The following VWA3B variants were observed in gnomAD, a reference collection of about 807,000 sequenced individuals.
The protein encoded by VWA3B is von Willebrand factor A domain containing 3B.
Under a neutral mutation model 158.3 loss-of-function variants are expected in VWA3B, and 138 were observed. The ratio of observed to expected loss-of-function variants is 0.87; its 90% CI spans 0.76 to 1.00. The LOEUF is 1.00. VWA3B is among the 50% of genes least tolerant of loss of function. VWA3B has a pLI of 0.00. For missense variants in VWA3B, 1,555 were observed against 1,565.1 expected (o/e 0.99, Z 0.11); for synonymous variants, 596 against 587.3 (o/e 1.01, Z -0.21).
rs985984476 is a variant in VWA3B at position 98,181,364 on chromosome 2, C to T, written c.1311+152C>T. On this transcript the variant is annotated intron_variant, in intron 9 of 27. Transcript: ENST00000477737. Reference sequence around the variant, plus strand: ...AGAACAGGGTTCCTCTGTTTCCCTCCTCACCCTTCTCCAAAGGGCATCTGT... The same window carrying T: ...AGAACAGGGTTCCTCTGTTTCCCTCTTCACCCTTCTCCAAAGGGCATCTGT... 7 of 784,382 alleles carry T rather than the reference C, an allele frequency of 8.9e-6. 1 individual carries two copies. The highest frequency in any genetic ancestry group is 3.8e-5 in the South Asian group (2 of 53,096). 48.6% of individuals were successfully genotyped at this position (784,382 alleles called of 1,614,324 possible). A position where few individuals can be genotyped will look rare whatever the true frequency, so the allele number is the denominator to read the frequency against.
At chr2:98,216,248 A>G (rs1264055412) in intron 13 of VWA3B, among the ~76,000 whole-genome samples, 2 of 152,226 alleles carry the variant, frequency 1.3e-5, no homozygotes, top group African/African-American at 2.4e-5. Context: ...AGGGAATCAT[A>G]TACACATTGG....
At chr2:98,277,369 T>C (rs1183232397) in intron 22 of VWA3B, among the ~76,000 whole-genome samples, 1 of 152,182 alleles carries the variant, frequency 6.6e-6, no homozygotes, top group African/African-American at 2.4e-5. Context: ...CTGTGAATTA[T>C]AATTAATCCT....
At chr2:98,101,779 G>T (rs367621169) in intron 2 of VWA3B, among the ~76,000 whole-genome samples, 1 of 150,486 alleles carries the variant, frequency 6.6e-6, no homozygotes, top group African/African-American at 2.4e-5. Flanking sequence ...AGGGCCTGTG[G>T]AATTCCCATA....
chr2:98,239,359 G>A (rs5029714), intron 19 of VWA3B, among the ~76,000 whole-genome samples: 14 of 41,326 alleles, frequency 3.4e-4, no homozygotes, highest in African/African-American at 1.2e-3. Context: ...ATGAAATATC[G>A]TGCTAAATGA....
intron 19 of VWA3B, among the ~76,000 whole-genome samples, chr2:98,243,467 G>A (rs998736437): frequency 2.0e-5 from 3 of 151,994 alleles, no homozygotes; most frequent in Non-Finnish European, 4.4e-5. Context: ...CCGAGTAGCT[G>A]TGATTACAGG....
chr2:98,167,405 T>C (rs1679179038), intron 8 of VWA3B, among the ~76,000 whole-genome samples: 1 of 151,938 alleles, frequency 6.6e-6, no homozygotes, highest in Non-Finnish European at 1.5e-5. Flanking sequence ...CAATGGTTTG[T>C]AGGATGCTGA....
chr2:98,109,765 C>CAGATGTAAG (rs774905723), intron 2 of VWA3B, among the ~76,000 whole-genome samples: 6 of 150,338 alleles, frequency 4.0e-5, no homozygotes, highest in Non-Finnish European at 7.4e-5. Context: ...AGAATTTCAC[C>CAGATGTAAG]AGATGTAAGA....
rs542001907 is a variant in VWA3B, at chr2:98,228,562, C to T, written c.2150+230C>T. Among the ~76,000 whole-genome samples, 284 of 152,164 alleles carry T rather than the reference C, an allele frequency of 1.9e-3. 1 individual carries two copies. Among genetic ancestry groups the T allele is most frequent in the Admixed American group, 3.8e-3 (58 of 15,282 alleles). On this transcript the variant is annotated intron_variant, in intron 15 of 27. Coordinates refer to ENST00000477737, the MANE Select transcript of VWA3B (RefSeq NM_144992.5). Reference sequence around the variant, plus strand: ...CACATATTCCCCTTTATGTTCTCCACGCTGTGTGGACGGGCCCCCAGACCC... The same window carrying T: ...CACATATTCCCCTTTATGTTCTCCATGCTGTGTGGACGGGCCCCCAGACCC...
chr2:98,198,628 A>G (rs1317253442), intron 12 of VWA3B, among the ~76,000 whole-genome samples: 1 of 152,098 alleles, frequency 6.6e-6, no homozygotes, highest in Non-Finnish European at 1.5e-5. Context: ...CCACAGTACC[A>G]AAGGGACCAA....
intron 22 of VWA3B, among the ~76,000 whole-genome samples, chr2:98,286,337 G>C (rs1358082476): frequency 6.6e-6 from 1 of 152,086 alleles, no homozygotes; most frequent in South Asian, 2.1e-4. Flanking sequence ...GCCTTACTTT[G>C]TTTCTGATCT....
intron 22 of VWA3B, among the ~76,000 whole-genome samples, chr2:98,276,900 C>G (rs943627692): frequency 1.3e-5 from 2 of 152,184 alleles, no homozygotes; most frequent in African/African-American, 4.8e-5. Flanking sequence ...GCTGCCTTGC[C>G]GATTCCTAAG....
At chr2:98,327,620 A>G in the VWA3B span, among the ~76,000 whole-genome samples, 1 of 152,232 alleles carries the variant, frequency 6.6e-6, no homozygotes, top group African/African-American at 2.4e-5. Flanking sequence ...ATCCATTCAC[A>G]ATACAAACTT....
At chr2:98,236,259 T>A (rs1685669263) in intron 17 of VWA3B, 131 bp from the exon 18 acceptor site, 1 of 1,004,424 alleles carries the variant, frequency 1.0e-6, no homozygotes, top group Non-Finnish European at 1.5e-6. Context: ...CAAATCAGGA[T>A]ATGTTCTCTG....
chr2:98,106,148 C>G (rs897382120), intron 2 of VWA3B, among the ~76,000 whole-genome samples: 2 of 152,116 alleles, frequency 1.3e-5, no homozygotes, highest in African/African-American at 4.8e-5. Context: ...ATCTCCTGAC[C>G]TCATGATCCG....
chr2:98,157,767 G>A (rs897012893), intron 7 of VWA3B, among the ~76,000 whole-genome samples: 2 of 152,206 alleles, frequency 1.3e-5, no homozygotes, highest in Non-Finnish European at 2.9e-5. Context: ...GGAGAGTCCT[G>A]GGGTTGGGCA....
chr2:98,214,933 G>A (rs2105575928), intron 13 of VWA3B, among the ~76,000 whole-genome samples: 1 of 152,222 alleles, frequency 6.6e-6, no homozygotes, highest in South Asian at 2.1e-4. Flanking sequence ...CCGAATAGCA[G>A]CCCCCAAAGA....
intron 21 of VWA3B, among the ~76,000 whole-genome samples, chr2:98,262,475 C>G (rs1687548015): frequency 6.6e-6 from 1 of 151,808 alleles, no homozygotes; most frequent in African/African-American, 2.4e-5. Flanking sequence ...CAACTTCATT[C>G]TTTTGCATAT....
chr2:98,265,155 C>G (rs572157878), intron 21 of VWA3B, among the ~76,000 whole-genome samples: 22 of 151,298 alleles, frequency 1.5e-4, no homozygotes, highest in Non-Finnish European at 3.0e-4. Flanking sequence ...AACTCATCAT[C>G]TAGCATTAGG....
intron 19 of VWA3B, among the ~76,000 whole-genome samples, chr2:98,238,911 A>G (rs1685881206): frequency 1.3e-5 from 2 of 152,322 alleles, no homozygotes; most frequent in South Asian, 4.1e-4. Context: ...AAAGGAAAAA[A>G]GTCAAACTCA....
Sources: allele counts gnomAD v4.1 joint callset (sites outside exome capture counted in the v4.1 genomes callset), GRCh38; gene constraint gnomAD v4.1.1; transcripts MANE v1.5; gene names NCBI Gene and HGNC (gene_info 2026-07-23, HGNC 2026-07-21).